LINGO1: variants seen among roughly 807,000 people sequenced by gnomAD.
LINGO1 encodes leucine rich repeat and Ig domain containing 1, also known as leucine-rich repeat and immunoglobulin-like domain-containing nogo receptor-interacting protein 1.
LINGO1 carries 11 observed loss-of-function variants against 37.3 expected under a neutral mutation model. The observed-to-expected ratio is 0.29, with a 90% CI of 0.19 to 0.49. The LOEUF is 0.49. Ranked by LOEUF, LINGO1 falls within the 20% of genes least tolerant of loss-of-function variation. The probability of loss-of-function intolerance (pLI) is 0.99; values close to 1 mark genes in which losing one functional copy is unlikely to be tolerated. For missense variants in LINGO1, 585 were observed against 878.2 expected (o/e 0.67, Z 4.22); for synonymous variants, 387 against 403.0 (o/e 0.96, Z 0.48).
chr15:77,617,857 G>A (rs2073781906), intron 1 of LINGO1, among the ~76,000 whole-genome samples: 1 of 152,212 alleles, frequency 6.6e-6, no homozygotes, highest in Non-Finnish European at 1.5e-5. Flanking sequence ...AGAGGATTCA[G>A]GGGGGCACTG....
At chr15:77,634,465 C>T (rs2141089304), upstream of LINGO1, 2 of 382,512 alleles carry the variant, frequency 5.2e-6, no homozygotes, top group East Asian at 1.5e-4. Context: ...GTTCACCCTC[C>T]AGCAACTCTG....
chr15:77,797,087 G>T (rs2076879992), intron 1 of LINGO1, among the ~76,000 whole-genome samples: 1 of 152,130 alleles, frequency 6.6e-6, no homozygotes, highest in African/African-American at 2.4e-5. Flanking sequence ...AGGGCGCTAG[G>T]AAGTTCTGGT....
In LINGO1 at chr15:77,688,581, G is replaced by C. The variant is rs139713648; in HGVS notation, c.-99+2139C>G. ...GGGACAGGCTCAACCCTGGGCCTGG[G>C]GGAGACCCTCCCACCCGAGATGCCC... On this transcript the variant is annotated intron_variant, in intron 2 of 3. Coordinates refer to the LINGO1 transcript ENST00000559893. 4.7e-4 allele frequency among the ~76,000 whole-genome samples: 72 copies of C among 152,260 alleles called. No individual in the cohort carries two copies. In the East Asian group the frequency reaches 0.014, roughly 29 times the overall value.
intron 1 of LINGO1, among the ~76,000 whole-genome samples, chr15:77,812,599 C>T (rs995305025): frequency 2.6e-5 from 4 of 152,224 alleles, no homozygotes; most frequent in Non-Finnish European, 5.9e-5. Flanking sequence ...TCTTTCTCTG[C>T]CTCCTGTTTA....
At chr15:77,801,853 G>T (rs967023545) in intron 1 of LINGO1, among the ~76,000 whole-genome samples, 1 of 152,170 alleles carries the variant, frequency 6.6e-6, no homozygotes, top group Admixed American at 6.5e-5. Flanking sequence ...AAGGTACACC[G>T]GCAGCCAGGG....
At chr15:77,694,866 A>T (rs1257880261) in intron 1 of LINGO1, among the ~76,000 whole-genome samples, 2 of 152,170 alleles carry the variant, frequency 1.3e-5, no homozygotes, top group Non-Finnish European at 2.9e-5. Context: ...CTTTCCTACC[A>T]GACAGGCAGA....
At chr15:77,640,838 ATTC>A (rs2074488704) in intron 3 of LINGO1, among the ~76,000 whole-genome samples, 1 of 151,780 alleles carries the variant, frequency 6.6e-6, no homozygotes, top group Non-Finnish European at 1.5e-5. Flanking sequence ...TCATTCATTC[ATTC>A]ATTCATTCAT....
chr15:77,657,058 C>T (rs1446040948), intron 3 of LINGO1, among the ~76,000 whole-genome samples: 3 of 152,186 alleles, frequency 2.0e-5, no homozygotes, highest in Non-Finnish European at 4.4e-5. Flanking sequence ...GCTGTGTGGA[C>T]TCTTGGTTTT....
At chr15:77,726,255 G>A (rs1371177943) in intron 2 of LINGO1, among the ~76,000 whole-genome samples, 1 of 152,184 alleles carries the variant, frequency 6.6e-6, no homozygotes, top group Non-Finnish European at 1.5e-5. Context: ...TGGAGTTCCT[G>A]ACCCTACCCA....
At chr15:77,727,497 A>G (rs960882573) in intron 2 of LINGO1, among the ~76,000 whole-genome samples, 3 of 152,246 alleles carry the variant, frequency 2.0e-5, no homozygotes, top group Non-Finnish European at 4.4e-5. Context: ...TTACAAAAAG[A>G]CACATATATA....
intron 1 of LINGO1, among the ~76,000 whole-genome samples, chr15:77,802,122 G>A (rs2076924488): frequency 6.6e-6 from 1 of 152,130 alleles, no homozygotes; most frequent in Admixed American, 6.5e-5. Context: ...ACAGAGAGTG[G>A]GGGGATGAGC....
At chr15:77,705,201 ACAC>A (rs2075835914) in intron 2 of LINGO1, among the ~76,000 whole-genome samples, 1 of 149,832 alleles carries the variant, frequency 6.7e-6, no homozygotes, top group Non-Finnish European at 1.5e-5. Flanking sequence ...ACACACACAC[ACAC>A]ACCAGTCCAC....
intron 2 of LINGO1, among the ~76,000 whole-genome samples, chr15:77,732,484 A>G (rs888859550): frequency 1.3e-5 from 2 of 152,248 alleles, no homozygotes; most frequent in Non-Finnish European, 2.9e-5. Flanking sequence ...TCAGGCTGGT[A>G]AACTCTGGTG....
intron 2 of LINGO1, among the ~76,000 whole-genome samples, chr15:77,710,676 C>A (rs916526271): frequency 2.0e-5 from 3 of 152,148 alleles, no homozygotes. Flanking sequence ...GCTTTTGTTT[C>A]GCTGAAGAAG....
At chr15:77,636,348 C>T (rs182192744), upstream of LINGO1, among the ~76,000 whole-genome samples, 33 of 152,310 alleles carry the variant, frequency 2.2e-4, no homozygotes, top group African/African-American at 7.5e-4. Flanking sequence ...CAGGGTTTTA[C>T]GATGATGATT....
upstream of LINGO1, among the ~76,000 whole-genome samples, chr15:77,787,540 T>A (rs1203044065): frequency 7.8e-5 from 6 of 77,032 alleles, no homozygotes; most frequent in Admixed American, 7.1e-4. Flanking sequence ...CGGCTCAGGC[T>A]GGGGACTGGA....
chr15:77,629,629 ATTCATGCACAGATAG>A (rs2074194754), intron 1 of LINGO1, among the ~76,000 whole-genome samples: 1 of 152,144 alleles, frequency 6.6e-6, no homozygotes, highest in Non-Finnish European at 1.5e-5. Flanking sequence ...AGCTCTGTGC[ATTCATGCACAGATAG>A]TCCTTGCCGC....
At chr15:77,783,317 GTGT>G (rs2044351511) in intron 1 of LINGO1, among the ~76,000 whole-genome samples, 1 of 152,164 alleles carries the variant, frequency 6.6e-6, no homozygotes, top group South Asian at 2.1e-4. Context: ...TGCTTCATAG[GTGT>G]TTCATCAAGT....
chr15:77,720,618 C>T (rs374242664), intron 2 of LINGO1: 18 of 152,334 alleles, frequency 1.2e-4, no homozygotes, highest in African/African-American at 4.3e-4. Flanking sequence ...AGTCCTTACC[C>T]CATAGATACT....
Sources: allele counts gnomAD v4.1 joint callset (sites outside exome capture counted in the v4.1 genomes callset), GRCh38; gene constraint gnomAD v4.1.1; transcripts MANE v1.5; gene names NCBI Gene and HGNC (gene_info 2026-07-23, HGNC 2026-07-21).